The following COL25A1 variants were observed in gnomAD, a reference collection of about 807,000 sequenced individuals.
The protein encoded by COL25A1 is collagen alpha-1(XXV) chain.
A neutral mutation model predicts 128.4 loss-of-function variants in COL25A1; 103 were observed. The observed-to-expected ratio is 0.80, with a 90% confidence interval of 0.68 to 0.94. The LOEUF (loss-of-function observed/expected upper bound fraction) is 0.94. COL25A1 is among the 40% of genes least tolerant of loss of function. COL25A1 has a pLI of 0.00. For missense variants in COL25A1, 745 were observed against 840.0 expected (o/e 0.89, Z 1.40); for synonymous variants, 279 against 277.2 (o/e 1.01, Z -0.06).
At chr4:109,245,640 C>T (rs909901894) in intron 3 of COL25A1, among the ~76,000 whole-genome samples, 1 of 152,108 alleles carries the variant, frequency 6.6e-6, no homozygotes, top group African/African-American at 2.4e-5. Flanking sequence ...TTCATGAGTA[C>T]AGCGGCAGCT....
intron 3 of COL25A1, among the ~76,000 whole-genome samples, chr4:109,283,723 AT>A (rs1723605802): frequency 2.0e-5 from 3 of 152,164 alleles, no homozygotes; most frequent in African/African-American, 7.2e-5. Flanking sequence ...GAGTATCTTC[AT>A]TTATACTAAC....
At chr4:109,245,896 G>T (rs947029833) in intron 3 of COL25A1, among the ~76,000 whole-genome samples, 3 of 151,918 alleles carry the variant, frequency 2.0e-5, no homozygotes, top group African/African-American at 7.3e-5. Context: ...CAGGATCAGG[G>T]TTAGGCCGGC....
intron 3 of COL25A1, among the ~76,000 whole-genome samples, chr4:109,190,219 CA>C (rs1775486284): frequency 6.6e-6 from 1 of 151,706 alleles, no homozygotes; most frequent in Non-Finnish European, 1.5e-5. Flanking sequence ...GGAATGAAAA[CA>C]ATAATAGAAG....
chr4:109,257,534 G>T (rs1035844045), intron 3 of COL25A1, among the ~76,000 whole-genome samples: 1 of 152,294 alleles, frequency 6.6e-6, no homozygotes, highest in African/African-American at 2.4e-5. Context: ...AACAAAAGGA[G>T]CAAATGAAAC....
intron 3 of COL25A1, among the ~76,000 whole-genome samples, chr4:109,050,736 T>C (rs1270866545): frequency 3.3e-5 from 5 of 152,192 alleles, no homozygotes; most frequent in Non-Finnish European, 5.9e-5. Context: ...AACAACCACC[T>C]GAATAAAATC....
intron 3 of COL25A1, among the ~76,000 whole-genome samples, chr4:109,184,632 T>G (rs918107482): frequency 6.6e-6 from 1 of 152,170 alleles, no homozygotes; most frequent in Admixed American, 6.5e-5. Context: ...AGAGTTCTAT[T>G]TTCTAGGTCC....
chr4:109,140,119 G>C (rs1157877762), intron 3 of COL25A1, among the ~76,000 whole-genome samples: 2 of 152,120 alleles, frequency 1.3e-5, no homozygotes, highest in East Asian at 1.9e-4. Context: ...TGTGAATAGT[G>C]CTGCAATAAA....
In COL25A1 at chr4:109,260,171, G is replaced by T. The variant is rs141759366; in HGVS notation, c.367+40412C>A. 2.4e-3 allele frequency among the ~76,000 whole-genome samples: 371 copies of T among 152,298 alleles called. 15 individuals are homozygous for T. In the South Asian group the frequency reaches 0.074, roughly 30 times the overall value. ...TATTTTGACGATGTTTTCTTTGCCA[G>T]ATATCATATTGTAAGTTCTTTGAAG... On this transcript the variant is annotated intron_variant, in intron 3 of 37. Coordinates refer to ENST00000399132, the MANE Select transcript of COL25A1 (RefSeq NM_198721.4).
intron 19 of COL25A1, among the ~76,000 whole-genome samples, chr4:108,883,152 C>G (rs1342864384): frequency 6.6e-6 from 1 of 151,972 alleles, no homozygotes; most frequent in Non-Finnish European, 1.5e-5. Flanking sequence ...AGAGAGCCTC[C>G]TGCCTCAGCC....
intron 13 of COL25A1, among the ~76,000 whole-genome samples, chr4:108,902,550 G>A (rs1236273249): frequency 6.6e-6 from 1 of 151,962 alleles, no homozygotes; most frequent in East Asian, 1.9e-4. Flanking sequence ...CTGTCAGAAT[G>A]TGTAGAAACC....
rs966402858 is a variant in COL25A1, at chr4:109,019,371, CACACATATATATAT to C, written c.421-9010_421-8997del. Among the ~76,000 whole-genome samples the C allele has an allele frequency of 4.5e-4, 4 of 8,940 alleles. No homozygotes were observed. In the African/African-American group the frequency reaches 5.2e-3, roughly 12 times the overall value. 5.9% of individuals were successfully genotyped at this position (8,940 alleles called of 152,430 possible). ...ACATACACACACACACACACACACA[CACACATATATATAT>C]ATATATATATATATTTATATGTGTA... On this transcript the variant is annotated intron_variant, in intron 5 of 37. Coordinates refer to ENST00000399132, the MANE Select transcript of COL25A1 (RefSeq NM_198721.4).
At chr4:109,208,906 A>G (rs997823501) in intron 3 of COL25A1, among the ~76,000 whole-genome samples, 2 of 152,212 alleles carry the variant, frequency 1.3e-5, no homozygotes, top group Non-Finnish European at 2.9e-5. Flanking sequence ...TGTTTCTTAC[A>G]CTTATCTACC....
chr4:108,928,533 T>C (rs1415448032), intron 11 of COL25A1, among the ~76,000 whole-genome samples: 2 of 151,770 alleles, frequency 1.3e-5, no homozygotes, highest in Non-Finnish European at 2.9e-5. Context: ...TATGTATTTA[T>C]TTATGTATTT....
At chr4:108,914,016 G>A (rs1272104745) in intron 13 of COL25A1, among the ~76,000 whole-genome samples, 3 of 152,176 alleles carry the variant, frequency 2.0e-5, no homozygotes, top group African/African-American at 7.2e-5. Context: ...AGATCTTCAG[G>A]AGAATTACAT....
intron 16 of COL25A1, among the ~76,000 whole-genome samples, chr4:108,893,239 A>G (rs1276733837): frequency 6.6e-6 from 1 of 152,238 alleles, no homozygotes; most frequent in Non-Finnish European, 1.5e-5. Context: ...GGTAATGCTA[A>G]GAAAGTGAAG....
At chr4:109,063,568 G>A (rs987779683) in intron 3 of COL25A1, among the ~76,000 whole-genome samples, 3 of 151,780 alleles carry the variant, frequency 2.0e-5, no homozygotes, top group Non-Finnish European at 2.9e-5. Flanking sequence ...CAGCCCCAGT[G>A]CAGTGGTTCA....
intron 13 of COL25A1, among the ~76,000 whole-genome samples, chr4:108,909,240 G>A (rs563696835): frequency 6.6e-6 from 1 of 152,294 alleles, no homozygotes; most frequent in South Asian, 2.1e-4. Flanking sequence ...GTTGAGTCTG[G>A]TATCTTTCAC....
chr4:109,002,890 C>T (rs967257282), intron 6 of COL25A1, among the ~76,000 whole-genome samples: 4 of 152,032 alleles, frequency 2.6e-5, no homozygotes, highest in African/African-American at 4.8e-5. Context: ...TTTTAAGCCC[C>T]GCATGCATTA....
At chr4:109,263,836 A>G (rs1169851045) in intron 3 of COL25A1, among the ~76,000 whole-genome samples, 1 of 152,210 alleles carries the variant, frequency 6.6e-6, no homozygotes, top group Non-Finnish European at 1.5e-5. Context: ...GTGCTCAACC[A>G]AGAAGGAAAA....
Sources: gnomAD v4.1 joint callset for allele counts (sites outside exome capture counted in the v4.1 genomes callset) on GRCh38, gnomAD v4.1.1 for gene constraint, MANE v1.5 for transcripts, NCBI Gene and HGNC (gene_info 2026-07-23, HGNC 2026-07-21) for gene names.